CNOT1: variants seen among roughly 807,000 people sequenced by gnomAD.
CNOT1 encodes CCR4-associated factor 1.
In CNOT1, 15 loss-of-function variants were observed where a neutral mutation model predicts 273.8. The ratio of observed to expected loss-of-function variants is 0.05; its 90% CI spans 0.04 to 0.08. CNOT1 has a LOEUF of 0.08. Ranked by LOEUF, CNOT1 falls within the 10% of genes least tolerant of loss-of-function variation. The pLI, the probability that CNOT1 is intolerant of heterozygous loss-of-function variation, is 1.00. For missense variants in CNOT1, 1,644 were observed against 2,912.2 expected (o/e 0.56, Z 10.02); for synonymous variants, 1,022 against 1,005.5 (o/e 1.02, Z -0.31).
intron 16 of CNOT1, among the ~76,000 whole-genome samples, chr16:58,568,173 C>T (rs2041124846): frequency 6.6e-6 from 1 of 152,014 alleles, no homozygotes; most frequent in Admixed American, 6.6e-5. Context: ...TTGAGACCAG[C>T]CTGCCCAACA....
rs1264034484 is a variant in CNOT1, at chr16:58,574,639, G to A, written c.1949C>T (p.Thr650Ile). 6.2e-7 allele frequency: 1 copy of A among 1,600,312 alleles called. No individual in the cohort carries two copies. The highest frequency in any genetic ancestry group is 8.5e-7 in the Non-Finnish European group (1 of 1,177,228). Residue 650 changes from threonine (T) to isoleucine (I), a missense_variant, in exon 16 of 49, where the codon ACA (threonine) becomes ATA (isoleucine). Thr to Ile is a moderately conservative substitution (Grantham distance 89, BLOSUM62 -1). This residue lies in a region of CNOT1 where 706 missense variants were observed against 1,021.2 expected (regional missense o/e 0.69). Coordinates refer to ENST00000317147, the MANE Select transcript of CNOT1 (RefSeq NM_016284.5). ...SAQLPPETLATMLACLQACAG... is the reference protein window; with the variant it reads ...SAQLPPETLAIMLACLQACAG... ...ACAAGCTTGCAGACAGGCCAACATT[G>A]TCGCCAAAGTTTCTGGAGGAAGTTG...
chr16:58,593,474 G>A (rs372074512), intron 2 of CNOT1, among the ~76,000 whole-genome samples: 11 of 151,922 alleles, frequency 7.2e-5, no homozygotes, highest in East Asian at 3.9e-4. Flanking sequence ...CAGGAGAATC[G>A]CTTGAATCTG....
chr16:58,548,275 C>A (rs1162262109), intron 25 of CNOT1, among the ~76,000 whole-genome samples: 1 of 152,076 alleles, frequency 6.6e-6, no homozygotes, highest in East Asian at 1.9e-4. Flanking sequence ...ACTGATTCTC[C>A]GGTTACTGTT....
Position 58,553,776 on chromosome 16 carries a change from A to G in CNOT1, c.2970+6T>C, listed in dbSNP as rs201669232. 5.6e-6 allele frequency: 9 copies of G among 1,610,208 alleles called. No individual in the cohort carries two copies. Among genetic ancestry groups the G allele is most frequent in the East Asian group, 2.2e-5 (1 of 44,474 alleles). On this transcript the variant is annotated splice_donor_region_variant and intron_variant, in intron 22 of 48. Coordinates refer to ENST00000317147, the MANE Select transcript of CNOT1 (RefSeq NM_016284.5). The stretch of plus-strand genomic sequence containing the variant: ...TATTTGGGTTTTAGTTACAGAGGGC[A>G]CTTACCTCCTGTAAATGATGTGGAA...
rs564151017 is a variant in CNOT1, at chr16:58,562,950, A to AT, written c.1980-2589dup. ...CACTCAGAAAAGAAAGCTGTTTCAC[A>AT]TTTGGGGGGAAAAAATAAGACTAGG... On this transcript the variant is annotated intron_variant, in intron 16 of 48. Transcript: ENST00000317147. Among the ~76,000 whole-genome samples the AT allele has an allele frequency of 2.0e-5, 3 of 152,328 alleles. No homozygotes were observed. In the South Asian group the frequency reaches 6.2e-4, roughly 32 times the overall value.
chr16:58,594,320 A>C (rs2042172389), intron 2 of CNOT1, among the ~76,000 whole-genome samples: 1 of 152,184 alleles, frequency 6.6e-6, no homozygotes, highest in Non-Finnish European at 1.5e-5. Flanking sequence ...GATTCCATTA[A>C]ATACGCAAAT....
intron 13 of CNOT1, among the ~76,000 whole-genome samples, chr16:58,577,653 A>G (rs1209994726): frequency 2.6e-5 from 4 of 152,126 alleles, no homozygotes; most frequent in Non-Finnish European, 5.9e-5. Context: ...AGCTTGGGAA[A>G]CAGGGCAAGA....
chr16:58,543,166 T>C, intron 31 of CNOT1: 2 of 1,426,476 alleles, frequency 1.4e-6, no homozygotes, highest in Non-Finnish European at 1.8e-6. Context: ...TTAATCATGA[T>C]ACCTGAATTA....
rs757447134 is a variant in CNOT1, at chr16:58,538,072, G to T, written c.5245-12C>A. ...CCATTCTCCATTGACTGGCAACACA[G>T]AAAACATAATGTGAGAGGGAAAACA... On this transcript the variant is annotated splice_polypyrimidine_tract_variant and intron_variant, in intron 37 of 48. Coordinates refer to ENST00000317147, the MANE Select transcript of CNOT1 (RefSeq NM_016284.5). 6.2e-7 allele frequency: 1 copy of T among 1,614,010 alleles called. No individual in the cohort carries two copies. Among genetic ancestry groups the T allele is most frequent in the African/African-American group, 1.3e-5 (1 of 74,916 alleles).
intron 13 of CNOT1, among the ~76,000 whole-genome samples, chr16:58,577,255 C>A (rs1189749927): frequency 6.6e-6 from 1 of 152,156 alleles, no homozygotes. Flanking sequence ...GGCAGATGGT[C>A]TGCTAGAACA....
intron 40 of CNOT1, chr16:58,533,262 G>C (rs1341471543): frequency 6.6e-6 from 1 of 152,428 alleles, no homozygotes; most frequent in Non-Finnish European, 1.5e-5. Context: ...ATGTGGCCAG[G>C]CATGGTGGCT....
chr16:58,602,416 G>A (rs1411707441), intron 1 of CNOT1, among the ~76,000 whole-genome samples: 1 of 151,860 alleles, frequency 6.6e-6, no homozygotes, highest in African/African-American at 2.4e-5. Flanking sequence ...GGCCGGGTGT[G>A]GTGGTGCACA....
At chr16:58,589,466 C>T (rs1047870627) in intron 2 of CNOT1, among the ~76,000 whole-genome samples, 2 of 152,140 alleles carry the variant, frequency 1.3e-5, no homozygotes, top group African/African-American at 4.8e-5. Context: ...GAGCTGAGAT[C>T]GTGCCATTGT....
chr16:58,535,976 C>T (rs990951685), intron 39 of CNOT1, among the ~76,000 whole-genome samples: 5 of 152,222 alleles, frequency 3.3e-5, no homozygotes, highest in African/African-American at 4.8e-5. Flanking sequence ...CCTCGTGATC[C>T]GCCTGCCTCG....
At chr16:58,567,517 G>A (rs1347207737) in intron 16 of CNOT1, among the ~76,000 whole-genome samples, 1 of 135,880 alleles carries the variant, frequency 7.4e-6, no homozygotes, top group Non-Finnish European at 1.6e-5. Flanking sequence ...GCATATACCT[G>A]TAATCCCAGG....
intron 1 of CNOT1, among the ~76,000 whole-genome samples, chr16:58,608,943 A>G (rs1306601205): frequency 6.6e-6 from 1 of 152,210 alleles, no homozygotes; most frequent in African/African-American, 2.4e-5. Context: ...GAATGACACA[A>G]TAGACCTTGG....
chr16:58,577,544 C>G (rs900709829), intron 13 of CNOT1, among the ~76,000 whole-genome samples: 3 of 152,136 alleles, frequency 2.0e-5, no homozygotes, highest in African/African-American at 7.2e-5. Context: ...ATATAAACTA[C>G]TCCAAGTATG....
intron 1 of CNOT1, among the ~76,000 whole-genome samples, chr16:58,604,580 G>C (rs1411736248): frequency 6.8e-6 from 1 of 147,786 alleles, no homozygotes; most frequent in African/African-American, 2.5e-5. Context: ...TCGGGAGTTG[G>C]AGACCAGCCT....
intron 39 of CNOT1, 49 bp from the exon 40 acceptor site, chr16:58,534,444 TA>T (rs1289853982): frequency 5.0e-6 from 8 of 1,589,100 alleles, no homozygotes; most frequent in Non-Finnish European, 6.9e-6. Flanking sequence ...CACACACAAA[TA>T]AACTTCATAT....
Sources: gnomAD v4.1 joint callset for allele counts (sites outside exome capture counted in the v4.1 genomes callset) on GRCh38, gnomAD v4.1.1 for gene constraint, gnomAD v4.1.1 regional missense constraint, MANE v1.5 for transcripts, NCBI Gene and HGNC (gene_info 2026-07-23, HGNC 2026-07-21) for gene names.